SCG3: variants seen among roughly 807,000 people sequenced by gnomAD.
The protein encoded by SCG3 is secretogranin-3.
In SCG3, 38 loss-of-function variants were observed where a neutral mutation model predicts 56.2. The ratio of observed to expected loss-of-function variants is 0.68; its 90% CI spans 0.52 to 0.89. The LOEUF is 0.89. Ranked by LOEUF, SCG3 falls within the 40% of genes least tolerant of loss-of-function variation. The pLI is 0.00. For missense variants in SCG3, 524 were observed against 540.7 expected (o/e 0.97, Z 0.31); for synonymous variants, 176 against 184.2 (o/e 0.96, Z 0.36).
intron 11 of SCG3, among the ~76,000 whole-genome samples, chr15:51,718,352 G>T (rs1395465206): frequency 6.6e-6 from 1 of 152,162 alleles, no homozygotes; most frequent in Non-Finnish European, 1.5e-5. Context: ...CTAACAGGGA[G>T]CAGATGTCCT....
intron 10 of SCG3, among the ~76,000 whole-genome samples, chr15:51,712,491 G>T (rs766310882): frequency 1.3e-5 from 2 of 152,192 alleles, no homozygotes; most frequent in Non-Finnish European, 2.9e-5. Context: ...TGAAGGTGAG[G>T]TCTTATCCTG....
At chr15:51,697,229 G>A in intron 8 of SCG3, among the ~76,000 whole-genome samples, 1 of 142,210 alleles carries the variant, frequency 7.0e-6, no homozygotes, top group South Asian at 2.1e-4. Flanking sequence ...AGTGCTTTGG[G>A]GTCTACTTTA....
chr15:51,691,775 T>C (rs1362549580), intron 6 of SCG3, among the ~76,000 whole-genome samples: 1 of 152,216 alleles, frequency 6.6e-6, no homozygotes, highest in African/African-American at 2.4e-5. Flanking sequence ...TCCTGTATCC[T>C]GGCACCAGCC....
At chr15:51,691,099 G>A (rs1424128672) in intron 6 of SCG3, among the ~76,000 whole-genome samples, 1 of 152,228 alleles carries the variant, frequency 6.6e-6, no homozygotes, top group Non-Finnish European at 1.5e-5. Flanking sequence ...AACTTGAGCT[G>A]AGAACCGAAG....
chr15:51,701,879 G>A (rs2055341684), intron 10 of SCG3, among the ~76,000 whole-genome samples: 1 of 152,122 alleles, frequency 6.6e-6, no homozygotes, highest in African/African-American at 2.4e-5. Flanking sequence ...GACACAGCAA[G>A]GGCAATGAAA....
At chr15:51,709,703 T>TATATA (rs2055405087) in intron 10 of SCG3, among the ~76,000 whole-genome samples, 1 of 12,046 alleles carries the variant, frequency 8.3e-5, no homozygotes, top group African/African-American at 3.6e-4. Context: ...ATATATATAT[T>TATATA]TTTTTTTTTT....
intron 11 of SCG3, among the ~76,000 whole-genome samples, chr15:51,713,980 G>A (rs1263235887): frequency 6.6e-6 from 1 of 152,164 alleles, no homozygotes; most frequent in Non-Finnish European, 1.5e-5. Flanking sequence ...AGATGGGATG[G>A]ATCTTCATAC....
intron 10 of SCG3, among the ~76,000 whole-genome samples, chr15:51,705,895 T>A (rs1002998258): frequency 1.3e-5 from 2 of 152,156 alleles, no homozygotes; most frequent in Non-Finnish European, 2.9e-5. Context: ...TTAAAATTAG[T>A]CCCTCTGCTA....
intron 4 of SCG3, 48 bp downstream of exon 4, chr15:51,683,482 T>C (rs1379756199): frequency 2.5e-6 from 3 of 1,207,946 alleles, no homozygotes; most frequent in African/African-American, 1.5e-5. Context: ...TTTCCTATAA[T>C]GGGTTAAGAG....
chr15:51,701,080 T>C (rs2055336199), intron 9 of SCG3, 27 bp from the exon 10 acceptor site: 2 of 1,612,214 alleles, frequency 1.2e-6, no homozygotes, highest in Non-Finnish European at 1.7e-6. Context: ...AACAGGGCTA[T>C]GACAACAATG....
intron 10 of SCG3, 106 bp from the exon 11 acceptor site, chr15:51,713,227 T>C (rs749985055): frequency 8.2e-6 from 6 of 732,930 alleles, no homozygotes; most frequent in African/African-American, 1.8e-5. Flanking sequence ...ACCTTGCAAA[T>C]GCTGCATAAG....
intron 4 of SCG3, among the ~76,000 whole-genome samples, chr15:51,685,559 A>C (rs2055223493): frequency 6.6e-6 from 1 of 152,226 alleles, no homozygotes; most frequent in Non-Finnish European, 1.5e-5. Flanking sequence ...TTCTTGGAGA[A>C]AATGATTTGT....
At chr15:51,709,752 G>A (rs1428937548) in intron 10 of SCG3, among the ~76,000 whole-genome samples, 9 of 93,330 alleles carry the variant, frequency 9.6e-5, no homozygotes, top group East Asian at 7.0e-4. Flanking sequence ...ACAGAGTCTC[G>A]CTCTGTCGCC....
At chr15:51,707,979 G>A (rs1209131828) in intron 10 of SCG3, 1 of 152,192 alleles carries the variant, frequency 6.6e-6, no homozygotes, top group Non-Finnish European at 1.5e-5. Context: ...CAGAGGGAGA[G>A]AGTCAGGACA....
At chr15:51,687,259 C>G (rs988418762) in intron 4 of SCG3, among the ~76,000 whole-genome samples, 5 of 152,156 alleles carry the variant, frequency 3.3e-5, no homozygotes, top group Non-Finnish European at 5.9e-5. Flanking sequence ...TTGTTAGACT[C>G]CTTTACAGTG....
intron 11 of SCG3, among the ~76,000 whole-genome samples, chr15:51,717,954 G>A (rs1021999223): frequency 6.6e-6 from 1 of 152,220 alleles, no homozygotes; most frequent in Non-Finnish European, 1.5e-5. Context: ...AGGGTACAGG[G>A]TAGGACCCTC....
intron 10 of SCG3, among the ~76,000 whole-genome samples, chr15:51,709,699 A>ATTT (rs2055404198): frequency 5.4e-5 from 1 of 18,434 alleles, no homozygotes; most frequent in Non-Finnish European, 8.8e-5. Flanking sequence ...ATATATATAT[A>ATTT]TATTTTTTTT....
At chr15:51,701,884 A>G (rs1419608402) in intron 10 of SCG3, among the ~76,000 whole-genome samples, 1 of 152,148 alleles carries the variant, frequency 6.6e-6, no homozygotes, top group Non-Finnish European at 1.5e-5. Context: ...AGCAAGGGCA[A>G]TGAAAACACT....
chr15:51,690,387 T>C (rs2055258888), intron 6 of SCG3, among the ~76,000 whole-genome samples: 1 of 152,164 alleles, frequency 6.6e-6, no homozygotes, highest in Admixed American at 6.5e-5. Flanking sequence ...TCCTCATCTG[T>C]CCTTTGATTT....
Sources: gnomAD v4.1 joint callset for allele counts (sites outside exome capture counted in the v4.1 genomes callset) on GRCh38, gnomAD v4.1.1 for gene constraint, MANE v1.5 for transcripts, NCBI Gene and HGNC (gene_info 2026-07-23, HGNC 2026-07-21) for gene names.